Variants in KIDINS220 observed in about 807,000 individuals in gnomAD.
KIDINS220 encodes the protein kinase D-interacting substrate of 220 kDa.
KIDINS220 carries 63 observed loss-of-function variants against 157.6 expected under a neutral mutation model. The ratio of observed to expected loss-of-function variants is 0.40; its 90% CI spans 0.33 to 0.49. The LOEUF (loss-of-function observed/expected upper bound fraction) is 0.49. Ranked by LOEUF, KIDINS220 falls within the 20% of genes least tolerant of loss-of-function variation. The probability of loss-of-function intolerance (pLI) is 0.66; values close to 1 mark genes in which losing one functional copy is unlikely to be tolerated. For synonymous variants in KIDINS220, 732 were observed against 783.6 expected, an observed-to-expected ratio of 0.93 and a Z score of 1.10; for missense variants, 1,772 against 2,171.2, an observed-to-expected ratio of 0.82 and a Z score of 3.65.
At chr2:8,819,639 C>T (rs1226887036) in intron 2 of KIDINS220, among the ~76,000 whole-genome samples, 1 of 152,070 alleles carries the variant, frequency 6.6e-6, no homozygotes, top group East Asian at 1.9e-4. Context: ...GCCTGACCAA[C>T]ATGGTGAAAC....
intron 1 of KIDINS220, among the ~76,000 whole-genome samples, chr2:8,837,059 C>A (rs1003535042): frequency 3.9e-5 from 6 of 152,184 alleles, no homozygotes; most frequent in Non-Finnish European, 7.3e-5. Flanking sequence ...AACAACACCT[C>A]CCGGCCCGTG....
chr2:8,836,561 C>CA (rs1680430491), intron 1 of KIDINS220, among the ~76,000 whole-genome samples: 1 of 152,210 alleles, frequency 6.6e-6, no homozygotes, highest in South Asian at 2.1e-4. Flanking sequence ...ACAAGCACCC[C>CA]AAAATGATTC....
At chr2:8,724,628 T>G (rs1340061717), downstream of KIDINS220, 2 of 152,096 alleles carry the variant, frequency 1.3e-5, no homozygotes, top group African/African-American at 4.8e-5. The surrounding 1 kb of genome is among the most constrained non-coding windows in gnomAD (Gnocchi z 4.6). Flanking sequence ...TAACAAGTTT[T>G]AATTATTTAT....
At chr2:8,745,714 G>A (rs1309659662) in intron 26 of KIDINS220, among the ~76,000 whole-genome samples, 4 of 152,106 alleles carry the variant, frequency 2.6e-5, no homozygotes, top group Admixed American at 2.0e-4. Flanking sequence ...CAGGAGAATC[G>A]CTTGAAACCA....
At chr2:8,766,968 A>T (rs940278006) in intron 22 of KIDINS220, among the ~76,000 whole-genome samples, 1 of 152,242 alleles carries the variant, frequency 6.6e-6, no homozygotes, top group Non-Finnish European at 1.5e-5. Flanking sequence ...ATTACATCTG[A>T]TTATGGCTAT....
At chr2:8,823,582 G>A (rs916046138) in intron 2 of KIDINS220, among the ~76,000 whole-genome samples, 31 of 152,010 alleles carry the variant, frequency 2.0e-4, no homozygotes, top group Non-Finnish European at 4.4e-5. Flanking sequence ...TGCTTATCTC[G>A]CATGATGCTA....
intron 7 of KIDINS220, among the ~76,000 whole-genome samples, chr2:8,805,598 T>C (rs1675332596): frequency 6.6e-6 from 1 of 152,140 alleles, no homozygotes; most frequent in South Asian, 2.1e-4. Context: ...ATACTCTTAT[T>C]GCTGTAGTCA....
chr2:8,756,710 G>A (rs1668058311), intron 22 of KIDINS220, among the ~76,000 whole-genome samples: 1 of 152,092 alleles, frequency 6.6e-6, no homozygotes, highest in East Asian at 1.9e-4. Flanking sequence ...AAGCTCTCTG[G>A]TTTCTTCTTA....
downstream of KIDINS220, chr2:8,727,142 G>A (rs182141636): frequency 4.4e-6 from 5 of 1,132,090 alleles, no homozygotes; most frequent in African/African-American, 6.5e-5. Flanking sequence ...AGGATAGGGA[G>A]TACCACAGCC....
At chr2:8,774,437 T>A (rs1275441987) in intron 21 of KIDINS220, among the ~76,000 whole-genome samples, 1 of 151,952 alleles carries the variant, frequency 6.6e-6, no homozygotes, top group Non-Finnish European at 1.5e-5. Context: ...TTAGAGGTGA[T>A]TTTTTCTGTT....
rs554785228 is a variant in KIDINS220 at position 8,812,722 on chromosome 2, A to T, written c.406-229T>A. On this transcript the variant is annotated intron_variant, in intron 5 of 29. Coordinates refer to ENST00000256707, the MANE Select transcript of KIDINS220 (RefSeq NM_020738.4). Reference sequence around the variant, plus strand: ...AAAATAGACAAAATACTCATAATACATAATTGGCAACTAAGATATAATAAA... The same window carrying T: ...AAAATAGACAAAATACTCATAATACTTAATTGGCAACTAAGATATAATAAA... 1.2e-4 allele frequency among the ~76,000 whole-genome samples: 19 copies of T among 152,354 alleles called. No homozygotes were observed. The East Asian group carries it at 3.3e-3, about 26-fold the overall frequency.
chr2:8,774,181 A>G (rs1263400676), intron 21 of KIDINS220, among the ~76,000 whole-genome samples: 1 of 151,974 alleles, frequency 6.6e-6, no homozygotes, highest in Non-Finnish European at 1.5e-5. Flanking sequence ...CTGTAATCCC[A>G]GCTACTCGGG....
At chr2:8,836,701 A>T (rs1680450470) in intron 1 of KIDINS220, among the ~76,000 whole-genome samples, 1 of 150,962 alleles carries the variant, frequency 6.6e-6, no homozygotes, top group East Asian at 2.0e-4. Context: ...TCTGGTCCTC[A>T]GTGTTGTCAA....
intron 21 of KIDINS220, among the ~76,000 whole-genome samples, chr2:8,773,122 G>A (rs932429700): frequency 6.6e-6 from 1 of 152,062 alleles, no homozygotes; most frequent in Non-Finnish European, 1.5e-5. Context: ...TGGTGTTAGG[G>A]GCTTTTATAA....
chr2:8,768,804 T>C (rs1310194454), intron 22 of KIDINS220, among the ~76,000 whole-genome samples: 1 of 152,108 alleles, frequency 6.6e-6, no homozygotes, highest in African/African-American at 2.4e-5. Context: ...TACTTTAATA[T>C]CTGGCTTTCC....
intron 1 of KIDINS220, among the ~76,000 whole-genome samples, chr2:8,836,312 G>A (rs1490745043): frequency 6.6e-6 from 1 of 152,130 alleles, no homozygotes; most frequent in African/African-American, 2.4e-5. Flanking sequence ...GGCTGAATTT[G>A]AAGTGTCCCA....
chr2:8,778,313 G>A (rs1436542855), intron 20 of KIDINS220, among the ~76,000 whole-genome samples: 8 of 152,204 alleles, frequency 5.3e-5, no homozygotes, highest in Non-Finnish European at 1.0e-4. Flanking sequence ...TGCTATGGTG[G>A]CAACAGGCAT....
downstream of KIDINS220, chr2:8,727,231 A>G: frequency 9.0e-7 from 1 of 1,108,480 alleles, no homozygotes; most frequent in Non-Finnish European, 1.1e-6. Flanking sequence ...CAGTATCCCC[A>G]CTGGTTTCTT....
At chr2:8,733,047 G>A (rs904033112) in intron 29 of KIDINS220, among the ~76,000 whole-genome samples, 2 of 152,206 alleles carry the variant, frequency 1.3e-5, no homozygotes, top group Admixed American at 1.3e-4. Flanking sequence ...CCAAAGGATG[G>A]TGCTCAAAGG....
Sources: gnomAD v4.1 joint callset for allele counts (sites outside exome capture counted in the v4.1 genomes callset) on GRCh38, gnomAD v4.1.1 for gene constraint, Gnocchi (gnomAD v3.1) non-coding constraint, MANE v1.5 for transcripts, NCBI Gene and HGNC (gene_info 2026-07-23, HGNC 2026-07-21) for gene names.